Variants in ATOSA observed in about 807,000 individuals in gnomAD.
ATOSA encodes atos homolog A.
the ATOSA span, among the ~76,000 whole-genome samples, chr15:52,665,159 T>C: frequency 3.3e-5 from 5 of 152,184 alleles, no homozygotes; most frequent in South Asian, 1.0e-3. Flanking sequence ...ATGGGTACTA[T>C]GCTCACCACC....
the ATOSA span, among the ~76,000 whole-genome samples, chr15:52,697,809 T>G: frequency 6.6e-6 from 1 of 151,804 alleles, no homozygotes; most frequent in Non-Finnish European, 1.5e-5. Context: ...GATATCCAAG[T>G]GGTCAAAATT....
the ATOSA span, among the ~76,000 whole-genome samples, chr15:52,632,875 C>T: frequency 3.9e-5 from 6 of 152,110 alleles, no homozygotes; most frequent in Non-Finnish European, 8.8e-5. Context: ...TTATATATAA[C>T]ATAACTGATG....
the ATOSA span, among the ~76,000 whole-genome samples, chr15:52,700,812 T>C: frequency 6.9e-4 from 105 of 152,336 alleles, 1 homozygote; most frequent in Middle Eastern, 0.024. Flanking sequence ...TTTGAATATA[T>C]TTACCTCAAC....
the ATOSA span, among the ~76,000 whole-genome samples, chr15:52,625,355 A>G: frequency 2.6e-5 from 4 of 152,154 alleles, no homozygotes; most frequent in Non-Finnish European, 4.4e-5. Flanking sequence ...TATAAGTGAA[A>G]GCAATTTTAT....
chr15:52,697,099 T>C, the ATOSA span, among the ~76,000 whole-genome samples: 2 of 152,200 alleles, frequency 1.3e-5, no homozygotes, highest in Admixed American at 6.5e-5. Context: ...TGGCTAACTT[T>C]TTCTGCTTTA....
the ATOSA span, chr15:52,586,068 C>T: frequency 6.6e-6 from 1 of 152,132 alleles, no homozygotes; most frequent in African/African-American, 2.4e-5. Flanking sequence ...GTGTTACCTC[C>T]GAGTTTATGA....
chr15:52,637,658 T>C, the ATOSA span, among the ~76,000 whole-genome samples: 1 of 152,176 alleles, frequency 6.6e-6, no homozygotes, highest in South Asian at 2.1e-4. Context: ...AAAATGTAAA[T>C]ATAATTATAT....
At chr15:52,646,305 A>T in the ATOSA span, among the ~76,000 whole-genome samples, 1 of 152,200 alleles carries the variant, frequency 6.6e-6, no homozygotes, top group Non-Finnish European at 1.5e-5. Flanking sequence ...CTCTTGAACA[A>T]AGATAGAACT....
chr15:52,674,872 C>T, the ATOSA span, among the ~76,000 whole-genome samples: 1 of 150,402 alleles, frequency 6.6e-6, no homozygotes, highest in Admixed American at 6.6e-5. Context: ...GCTTATATAA[C>T]CAATATATAA....
chr15:52,668,580 A>G, the ATOSA span, among the ~76,000 whole-genome samples: 1 of 152,354 alleles, frequency 6.6e-6, no homozygotes, highest in East Asian at 1.9e-4. Context: ...CAAGGAAATC[A>G]TAAGTGCATG....
the ATOSA span, among the ~76,000 whole-genome samples, chr15:52,646,394 G>T: frequency 5.3e-5 from 8 of 152,134 alleles, no homozygotes; most frequent in African/African-American, 1.9e-4. Context: ...GCAGTCTAAG[G>T]CCAAAGGAGG....
chr15:52,677,863 A>G, the ATOSA span: 14 of 1,203,602 alleles, frequency 1.2e-5, no homozygotes, highest in Admixed American at 1.9e-5. Flanking sequence ...CTACCTCACC[A>G]GCTGGAATCT....
At chr15:52,628,658 T>A in the ATOSA span, among the ~76,000 whole-genome samples, 2 of 152,224 alleles carry the variant, frequency 1.3e-5, no homozygotes. Context: ...GGCATATTTT[T>A]AATGTTATTT....
At chr15:52,663,028 G>A in the ATOSA span, among the ~76,000 whole-genome samples, 2 of 152,094 alleles carry the variant, frequency 1.3e-5, no homozygotes, top group South Asian at 4.1e-4. Context: ...AAATGAATGA[G>A]GCTCAAACTC....
the ATOSA span, chr15:52,593,727 A>G: frequency 1.3e-6 from 2 of 1,534,960 alleles, no homozygotes; most frequent in Non-Finnish European, 1.8e-6. Context: ...CGATAGTTCA[A>G]GACAGATTCC....
the ATOSA span, among the ~76,000 whole-genome samples, chr15:52,619,485 C>T: frequency 1.3e-5 from 2 of 151,116 alleles, no homozygotes; most frequent in Non-Finnish European, 3.0e-5. Context: ...AAAAAAAACA[C>T]AAAAAATGTT....
At chr15:52,644,336 C>T in the ATOSA span, among the ~76,000 whole-genome samples, 2 of 152,186 alleles carry the variant, frequency 1.3e-5, no homozygotes, top group East Asian at 3.8e-4. Context: ...ATCTCTGTTT[C>T]AGCTTACATA....
the ATOSA span, among the ~76,000 whole-genome samples, chr15:52,708,679 CT>C: frequency 2.2e-4 from 33 of 147,666 alleles, no homozygotes; most frequent in South Asian, 4.3e-4. Flanking sequence ...AAATTGGGTA[CT>C]TTTTTTTTTT....
the ATOSA span, among the ~76,000 whole-genome samples, chr15:52,684,332 C>A: frequency 6.6e-6 from 1 of 152,084 alleles, no homozygotes; most frequent in South Asian, 2.1e-4. Flanking sequence ...GTCAGGAATT[C>A]GAGACCATCC....
Sources: allele counts gnomAD v4.1 joint callset (sites outside exome capture counted in the v4.1 genomes callset), GRCh38; gene constraint gnomAD v4.1.1; transcripts MANE v1.5; gene names NCBI Gene and HGNC (gene_info 2026-07-23, HGNC 2026-07-21).